CREB5: variants seen among roughly 807,000 people sequenced by gnomAD.
CREB5 encodes cAMP responsive element binding protein 5, also known as cyclic AMP-responsive element-binding protein 5.
CREB5 carries 19 observed loss-of-function variants against 57.1 expected under a neutral mutation model. The ratio of observed to expected loss-of-function variants is 0.33; its 90% CI spans 0.23 to 0.49. The LOEUF is 0.49. CREB5 is among the 20% of genes least tolerant of loss of function. CREB5 has a pLI of 0.99. For synonymous variants in CREB5, 238 were observed against 238.3 expected, an observed-to-expected ratio of 1.00 and a Z score of 0.01; for missense variants, 579 against 671.6, an observed-to-expected ratio of 0.86 and a Z score of 1.52.
intron 8 of CREB5, among the ~76,000 whole-genome samples, chr7:28,805,495 T>C (rs143497366): frequency 1.3e-5 from 2 of 152,254 alleles, no homozygotes; most frequent in African/African-American, 2.4e-5. Context: ...AAACACTTAT[T>C]CACTGTCTCC....
chr7:28,560,909 CGTGTGCGTGT>C (rs1345866209), intron 4 of CREB5, among the ~76,000 whole-genome samples: 421 of 32,634 alleles, frequency 0.013, 36 homozygotes, highest in African/African-American at 0.051. Context: ...TGCGCGCGTG[CGTGTGCGTGT>C]GTGCGCGTGC....
intron 1 of CREB5, among the ~76,000 whole-genome samples, chr7:28,393,557 A>C (rs1384028840): frequency 6.6e-6 from 1 of 152,232 alleles, no homozygotes; most frequent in Non-Finnish European, 1.5e-5. Flanking sequence ...CTAGTCTGAC[A>C]TAAAAAGAGC....
chr7:28,714,690 G>C (rs1406502381), intron 5 of CREB5, among the ~76,000 whole-genome samples: 1 of 152,218 alleles, frequency 6.6e-6, no homozygotes, highest in African/African-American at 2.4e-5. Flanking sequence ...TTAATTGAAA[G>C]AAAAGCTTAC....
chr7:28,800,254 GGGGATGTCTGAAGT>G (rs1808284814), intron 7 of CREB5, among the ~76,000 whole-genome samples: 1 of 152,204 alleles, frequency 6.6e-6, no homozygotes, highest in Non-Finnish European at 1.5e-5. Context: ...ACTGAAGAAA[GGGGATGTCTGAAGT>G]ACATCTGAAG....
chr7:28,509,313 T>C (rs542184382), intron 4 of CREB5, among the ~76,000 whole-genome samples: 44 of 152,350 alleles, frequency 2.9e-4, no homozygotes, highest in Admixed American at 3.3e-4. Context: ...ATATTCTCCA[T>C]TGCATTATTC....
chr7:28,622,121 G>C (rs1312349884), intron 5 of CREB5, among the ~76,000 whole-genome samples: 1 of 152,156 alleles, frequency 6.6e-6, no homozygotes, highest in Non-Finnish European at 1.5e-5. Context: ...TGCCAGGTTT[G>C]AGATAGTGTG....
intron 4 of CREB5, among the ~76,000 whole-genome samples, chr7:28,569,121 T>A (rs947807169): frequency 6.6e-5 from 10 of 152,052 alleles, no homozygotes; most frequent in African/African-American, 2.4e-4. Context: ...ACCTATTACT[T>A]TGTTTGGCCA....
At chr7:28,483,840 A>T (rs1166505936) in intron 1 of CREB5, among the ~76,000 whole-genome samples, 1 of 152,196 alleles carries the variant, frequency 6.6e-6, no homozygotes, top group African/African-American at 2.4e-5. Flanking sequence ...TTTCCATGAA[A>T]TCTGGAGAGA....
chr7:28,717,259 G>T (rs28414448), intron 5 of CREB5, among the ~76,000 whole-genome samples: 2 of 151,670 alleles, frequency 1.3e-5, no homozygotes, highest in East Asian at 3.9e-4. Flanking sequence ...GCGTTTCACC[G>T]TGTTGGCCAG....
chr7:28,331,463 T>C (rs1338331054), intron 1 of CREB5, among the ~76,000 whole-genome samples: 3 of 152,178 alleles, frequency 2.0e-5, no homozygotes, highest in Non-Finnish European at 4.4e-5. Context: ...TTTCTGCCCC[T>C]TGGGGAAGAG....
At chr7:28,366,335 GA>G (rs1261610808) in intron 1 of CREB5, among the ~76,000 whole-genome samples, 2 of 152,048 alleles carry the variant, frequency 1.3e-5, no homozygotes, top group Non-Finnish European at 2.9e-5. Flanking sequence ...AAATTTTGAT[GA>G]AAAAGCATTA....
chr7:28,441,960 G>A (rs1433524529), intron 1 of CREB5, among the ~76,000 whole-genome samples: 4 of 152,054 alleles, frequency 2.6e-5, no homozygotes, highest in Admixed American at 2.6e-4. Context: ...GTATTCGAAT[G>A]CCCTCTTCTA....
At chr7:28,550,831 G>C (rs1308249411) in intron 4 of CREB5, among the ~76,000 whole-genome samples, 1 of 152,182 alleles carries the variant, frequency 6.6e-6, no homozygotes, top group African/African-American at 2.4e-5. Context: ...AATAAACACA[G>C]TGCCCTAAAG....
At chr7:28,782,953 G>A (rs887185722) in intron 7 of CREB5, among the ~76,000 whole-genome samples, 5 of 152,240 alleles carry the variant, frequency 3.3e-5, no homozygotes, top group Non-Finnish European at 5.9e-5. Context: ...GTGGTGCTGT[G>A]TGCATGAAAG....
chr7:28,589,728 GA>G (rs1796429232), intron 5 of CREB5, among the ~76,000 whole-genome samples: 1 of 152,092 alleles, frequency 6.6e-6, no homozygotes, highest in South Asian at 2.1e-4. Flanking sequence ...TCATGAAGAT[GA>G]AAAAAGATTC....
At chr7:28,492,633 T>C (rs532949792) in intron 2 of CREB5, among the ~76,000 whole-genome samples, 1 of 151,860 alleles carries the variant, frequency 6.6e-6, no homozygotes, top group East Asian at 1.9e-4. Flanking sequence ...TATCCTACTT[T>C]AGGCTATTAT....
At chr7:28,402,783 A>G (rs1210589918) in intron 1 of CREB5, among the ~76,000 whole-genome samples, 1 of 152,270 alleles carries the variant, frequency 6.6e-6, no homozygotes, top group African/African-American at 2.4e-5. Context: ...TCATGACTAA[A>G]ACACCAAAAG....
rs13245466 is a variant in CREB5 at position 28,560,817 on chromosome 7, T to C, written c.292-9548T>C. Among the ~76,000 whole-genome samples, 13 of 94,710 alleles carry C rather than the reference T, an allele frequency of 1.4e-4. 1 individual carries two copies. Among genetic ancestry groups the C allele is most frequent in the East Asian group, 5.8e-4 (2 of 3,434 alleles). The allele number at this position is 94,710 out of a possible 152,430, so 62.1% of individuals were successfully genotyped here. ...TCCACAGTGTGTGTGCGCGTGTGTG[T>C]GTGTGCGCGCGCGCGCGTGTGTGTG... On this transcript the variant is annotated intron_variant, in intron 4 of 10. Coordinates refer to ENST00000357727, the MANE Select transcript of CREB5 (RefSeq NM_182898.4).
At chr7:28,604,659 T>A (rs1370256343) in intron 5 of CREB5, among the ~76,000 whole-genome samples, 1 of 151,680 alleles carries the variant, frequency 6.6e-6, no homozygotes, top group African/African-American at 2.4e-5. Flanking sequence ...ATAAAAGTCA[T>A]GAGCACAGCC....
Sources: allele counts gnomAD v4.1 joint callset (sites outside exome capture counted in the v4.1 genomes callset), GRCh38; gene constraint gnomAD v4.1.1; transcripts MANE v1.5; gene names NCBI Gene and HGNC (gene_info 2026-07-23, HGNC 2026-07-21).